DTNB: variants seen among roughly 807,000 people sequenced by gnomAD.
DTNB encodes the protein dystrobrevin beta, also known as DTN-B.
A neutral mutation model predicts 90.7 loss-of-function variants in DTNB; 63 were observed. The ratio of observed to expected loss-of-function variants is 0.69; its 90% CI spans 0.57 to 0.86. DTNB has a LOEUF of 0.86. Among genes scored for constraint, DTNB ranks in the 40% least tolerant of loss-of-function variants. DTNB has a pLI of 0.00. For synonymous variants in DTNB, 277 were observed against 286.7 expected (o/e 0.97, Z 0.34); for missense variants, 744 against 807.1 (o/e 0.92, Z 0.95).
At chr2:25,481,386 C>T in intron 10 of DTNB, among the ~76,000 whole-genome samples, 1 of 144,330 alleles carries the variant, frequency 6.9e-6, no homozygotes, top group African/African-American at 2.6e-5. Context: ...GCCTGGGTGA[C>T]AGACAGAGAC....
At chr2:25,421,784 G>A (rs943481711) in intron 15 of DTNB, among the ~76,000 whole-genome samples, 7 of 152,194 alleles carry the variant, frequency 4.6e-5, no homozygotes, top group Non-Finnish European at 8.8e-5. Flanking sequence ...TGGCTCAACA[G>A]AATAGGGAAA....
intron 16 of DTNB, among the ~76,000 whole-genome samples, chr2:25,417,442 TA>T: frequency 6.6e-6 from 1 of 152,346 alleles, no homozygotes; most frequent in Non-Finnish European, 1.5e-5. Flanking sequence ...GATTACATGG[TA>T]ATCCATAAAA....
At chr2:25,382,429 C>T (rs1420521267) in intron 19 of DTNB, among the ~76,000 whole-genome samples, 1 of 149,508 alleles carries the variant, frequency 6.7e-6, no homozygotes, top group Non-Finnish European at 1.5e-5. Context: ...CTCAAATGTC[C>T]AAAGAAAATT....
At chr2:25,567,819 G>T (rs900733750) in intron 8 of DTNB, among the ~76,000 whole-genome samples, 1 of 152,200 alleles carries the variant, frequency 6.6e-6, no homozygotes, top group African/African-American at 2.4e-5. Context: ...TGAATGGAAG[G>T]CAGAGAAGGA....
At chr2:25,526,210 C>T (rs2077051233) in intron 9 of DTNB, among the ~76,000 whole-genome samples, 1 of 151,660 alleles carries the variant, frequency 6.6e-6, no homozygotes, top group African/African-American at 2.4e-5. Flanking sequence ...GATATTAATA[C>T]ATAGAAACTC....
Position 25,388,321 on chromosome 2 carries a change from C to T in DTNB, c.1616G>A (p.Gly539Glu), listed in dbSNP as rs2040109358. ...TGSPHTSPTH[G>E]GGRPMPMPVR... ...TGGCATGGGCATTGGCCGGCCGCCT[C>T]CATGGGTGGGCGATGTATGTGGTGA... The change falls in exon 17 of 21, where the codon GGA becomes GAA. Residue 539 changes from glycine to glutamate, a missense_variant. Physicochemically the swap from Gly to Glu is moderately conservative, Grantham distance 98 (BLOSUM62 -2). Transcript: ENST00000406818. 1 of 1,613,006 alleles carries T rather than the reference C, an allele frequency of 6.2e-7. No homozygotes were observed. Among genetic ancestry groups the T allele is most frequent in the Non-Finnish European group, 8.5e-7 (1 of 1,179,354 alleles).
intron 8 of DTNB, among the ~76,000 whole-genome samples, chr2:25,550,260 A>G (rs532693230): frequency 2.6e-5 from 4 of 152,178 alleles, no homozygotes; most frequent in Admixed American, 6.5e-5. Context: ...GCGTGGTGGC[A>G]GGTGCCTGTA....
chr2:25,484,257 T>C (rs983509884), intron 9 of DTNB, among the ~76,000 whole-genome samples: 1 of 152,248 alleles, frequency 6.6e-6, no homozygotes, highest in Admixed American at 6.5e-5. Context: ...ATACTTCTCA[T>C]ATTTGTCTAT....
chr2:25,577,715 G>A (rs1237763425), intron 7 of DTNB, among the ~76,000 whole-genome samples: 1 of 152,202 alleles, frequency 6.6e-6, no homozygotes, highest in South Asian at 2.1e-4. Flanking sequence ...ATAGAAAAGA[G>A]GGATAGGCCA....
intron 8 of DTNB, among the ~76,000 whole-genome samples, chr2:25,542,165 A>G (rs930070952): frequency 8.5e-5 from 13 of 152,112 alleles, no homozygotes; most frequent in African/African-American, 3.1e-4. Flanking sequence ...CCCAGGCTGG[A>G]GTGCAGTGGC....
At chr2:25,549,766 T>C (rs941351538) in intron 8 of DTNB, among the ~76,000 whole-genome samples, 13 of 152,080 alleles carry the variant, frequency 8.5e-5, no homozygotes, top group Non-Finnish European at 1.9e-4. Context: ...GCTCAAGCAA[T>C]CCTCCCACCT....
At chr2:25,541,614 A>G (rs1209324028) in intron 8 of DTNB, among the ~76,000 whole-genome samples, 2 of 152,218 alleles carry the variant, frequency 1.3e-5, no homozygotes, top group Admixed American at 1.3e-4. Flanking sequence ...AGCCGGAAGT[A>G]TTTGAAAAAT....
chr2:25,558,107 G>T, intron 8 of DTNB: 1 of 758,730 alleles, frequency 1.3e-6, no homozygotes, highest in Non-Finnish European at 1.6e-6. Context: ...CATCAAAGGC[G>T]ATCCAAAGGC....
chr2:25,382,617 C>T (rs912576981), intron 19 of DTNB, among the ~76,000 whole-genome samples: 15 of 148,634 alleles, frequency 1.0e-4, no homozygotes, highest in Non-Finnish European at 1.9e-4. Context: ...CAACCTCTGC[C>T]TCCTGAGTTC....
intron 8 of DTNB, among the ~76,000 whole-genome samples, chr2:25,551,385 C>T (rs1380529502): frequency 1.3e-5 from 2 of 152,132 alleles, no homozygotes; most frequent in Admixed American, 6.5e-5. Context: ...TTGTGCTAGG[C>T]TTCCCCTGGA....
intron 11 of DTNB, among the ~76,000 whole-genome samples, chr2:25,453,164 T>C (rs1428737934): frequency 2.0e-5 from 3 of 152,150 alleles, no homozygotes; most frequent in Admixed American, 6.5e-5. Context: ...AGGGATACAA[T>C]AGGTTCTTCT....
chr2:25,569,067 C>G (rs555466223), intron 8 of DTNB, among the ~76,000 whole-genome samples: 1 of 152,194 alleles, frequency 6.6e-6, no homozygotes, highest in Non-Finnish European at 1.5e-5. Flanking sequence ...AGTGTCTGTT[C>G]CAGCAGATCC....
At chr2:25,478,755 T>C (rs904913145) in intron 10 of DTNB, among the ~76,000 whole-genome samples, 3 of 152,166 alleles carry the variant, frequency 2.0e-5, no homozygotes, top group Non-Finnish European at 4.4e-5. Flanking sequence ...GTCCCTCACA[T>C]ACACACAAGG....
Position 25,387,454 on chromosome 2 carries a change from T to C in DTNB, c.1736-76A>G. The stretch of plus-strand genomic sequence containing the variant: ...AGAGACGGCTGAGCAAATGCCTCAG[T>C]TCTGCCAGGCCCGAGAACACAGGTG... On this transcript the variant is annotated intron_variant, in intron 17 of 20. Coordinates refer to ENST00000406818, the MANE Select transcript of DTNB (RefSeq NM_021907.5). The surrounding 1 kb of genome is among the most constrained non-coding windows in gnomAD (Gnocchi z 4.5). 7.1e-7 allele frequency: 1 copy of C among 1,402,804 alleles called. No individual in the cohort carries two copies. The highest frequency in any genetic ancestry group is 1.0e-6 in the Non-Finnish European group (1 of 1,004,084). The allele number at this position is 1,402,804 out of a possible 1,614,324, so 86.9% of individuals were successfully genotyped here.
Sources: allele counts gnomAD v4.1 joint callset (sites outside exome capture counted in the v4.1 genomes callset), GRCh38; gene constraint gnomAD v4.1.1; non-coding constraint Gnocchi (gnomAD v3.1); transcripts MANE v1.5; gene names NCBI Gene and HGNC (gene_info 2026-07-23, HGNC 2026-07-21).